The following ANKRD11 variants were observed in gnomAD, a reference collection of about 807,000 sequenced individuals.
ANKRD11 encodes ankyrin repeat domain-containing protein 11.
Under a neutral mutation model 195.7 loss-of-function variants are expected in ANKRD11, and 17 were observed. The ratio of observed to expected loss-of-function variants is 0.09; its 90% CI spans 0.06 to 0.13. The LOEUF is 0.13. Among genes scored for constraint, ANKRD11 ranks in the 10% least tolerant of loss-of-function variants. ANKRD11 has a pLI of 1.00. For missense variants in ANKRD11, 3,735 were observed against 3,566.1 expected (o/e 1.05, Z -1.21); for synonymous variants, 1,953 against 1,528.1 (o/e 1.28, Z -6.49).
rs751980813 is a variant in ANKRD11 at position 89,280,081 on chromosome 16, T to G, written c.6461A>C (p.Glu2154Ala). 1.2e-5 allele frequency: 19 copies of G among 1,613,136 alleles called. No homozygotes were observed. In the East Asian group the frequency reaches 4.2e-4, roughly 36 times the overall value. Residue 2154 changes from glutamate (E) to alanine (A), a missense_variant, in exon 9 of 13, where the codon GAA becomes GCA. By Grantham distance (107) the Glu-to-Ala change is moderately radical (BLOSUM62 -1). Transcript: ENST00000301030. ...QTKDAADGEA[E>A]PVEESLAPPE... ...AGGAGCAAGACTTTCTTCCACGGGT[T>G]CCGCTTCACCATCTGCGGCATCTTT...
rs1347573248 is a variant in ANKRD11, at chr16:89,284,477, G to C, written c.2065C>G (p.His689Asp). The C allele has an allele frequency of 6.2e-7, 1 of 1,613,886 alleles. No individual in the cohort carries two copies. Among genetic ancestry groups the C allele is most frequent in the African/African-American group, 1.3e-5 (1 of 74,860 alleles). The part of the protein sequence containing the change: ...STENKLKVLK[H>D]DRDHFKKEEK... ...TCTTTTTTAAAGTGGTCGCGATCGT[G>C]CTTTAACACTTTTAGCTTGTTTTCA... The change falls in exon 9 of 13, where the codon CAC becomes GAC. Residue 689 changes from histidine (H) to aspartate (D), a missense_variant. By Grantham distance (81) the His-to-Asp change is moderately conservative. Transcript: ENST00000301030.
intron 2 of ANKRD11, among the ~76,000 whole-genome samples, chr16:89,404,043 A>C (rs1426910154): frequency 6.6e-6 from 1 of 152,236 alleles, no homozygotes; most frequent in Non-Finnish European, 1.5e-5. Context: ...CTTATAACTA[A>C]AATTCCAAAC....
intron 2 of ANKRD11, among the ~76,000 whole-genome samples, chr16:89,386,583 G>A (rs190823211): frequency 1.9e-3 from 291 of 152,328 alleles, no homozygotes; most frequent in Non-Finnish European, 3.3e-3. Context: ...AGATGCCCGC[G>A]GGGAGGAGTG....
intron 1 of ANKRD11, among the ~76,000 whole-genome samples, chr16:89,471,698 T>C (rs1305428536): frequency 7.1e-6 from 1 of 141,836 alleles, no homozygotes; most frequent in Non-Finnish European, 1.5e-5. Context: ...GGAAGGAGAG[T>C]TGCTTGAACT....
At chr16:89,394,551 C>A (rs1198670451) in intron 2 of ANKRD11, among the ~76,000 whole-genome samples, 1 of 152,002 alleles carries the variant, frequency 6.6e-6, no homozygotes, top group Admixed American at 6.5e-5. Flanking sequence ...TCGCTTGAAC[C>A]CAGGAGGCGG....
At position 89,336,912 on chromosome 16, in the gene ANKRD11, G is replaced by A. The variant is rs1430238658; in HGVS notation, c.-59-19834C>T. Among the ~76,000 whole-genome samples the A allele has an allele frequency of 2.0e-5, 3 of 147,800 alleles. No individual in the cohort carries two copies. The East Asian group carries it at 6.2e-4, about 30-fold the overall frequency. Reference sequence around the variant, plus strand: ...AGGCTGGGTGCGGTGGCTCATGCCTGTAATCCTAGCACTTTAGGAGGCCGA... The same window carrying A: ...AGGCTGGGTGCGGTGGCTCATGCCTATAATCCTAGCACTTTAGGAGGCCGA... On this transcript the variant is annotated intron_variant, in intron 2 of 12. Coordinates refer to ENST00000301030, the MANE Select transcript of ANKRD11 (RefSeq NM_013275.6).
At chr16:89,422,839 G>A (rs1405116468) in intron 1 of ANKRD11, among the ~76,000 whole-genome samples, 1 of 152,140 alleles carries the variant, frequency 6.6e-6, no homozygotes, top group Non-Finnish European at 1.5e-5. Flanking sequence ...TGACACAACT[G>A]TATTAATGTT....
At chr16:89,438,014 T>C (rs976601682) in intron 1 of ANKRD11, among the ~76,000 whole-genome samples, 4 of 152,220 alleles carry the variant, frequency 2.6e-5, no homozygotes, top group Non-Finnish European at 5.9e-5. Flanking sequence ...ATTGTATTTC[T>C]AGACACCAAC....
chr16:89,386,418 C>T (rs978871707), intron 2 of ANKRD11, among the ~76,000 whole-genome samples: 11 of 152,130 alleles, frequency 7.2e-5, no homozygotes, highest in African/African-American at 2.7e-4. Flanking sequence ...CCCAAGGAGA[C>T]GCCAGAAACC....
At chr16:89,446,919 TC>T (rs139856135) in intron 1 of ANKRD11, among the ~76,000 whole-genome samples, 1,590 of 152,168 alleles carry the variant, frequency 0.01, 35 homozygotes, top group African/African-American at 0.036. Context: ...TCCCTGCAGT[TC>T]CAGGGACAGC....
At chr16:89,403,974 G>A (rs980838285) in intron 2 of ANKRD11, among the ~76,000 whole-genome samples, 1 of 152,134 alleles carries the variant, frequency 6.6e-6, no homozygotes, top group African/African-American at 2.4e-5. Flanking sequence ...ACAGAAAGGA[G>A]CAAGATTATA....
chr16:89,449,014 T>G (rs1340183889), intron 1 of ANKRD11, among the ~76,000 whole-genome samples: 1 of 152,146 alleles, frequency 6.6e-6, no homozygotes, highest in Non-Finnish European at 1.5e-5. Flanking sequence ...TCTTTGCTAC[T>G]TCAAATCACA....
At chr16:89,470,425 C>T (rs1032618289) in intron 1 of ANKRD11, among the ~76,000 whole-genome samples, 3 of 152,134 alleles carry the variant, frequency 2.0e-5, no homozygotes, top group African/African-American at 7.2e-5. Flanking sequence ...TCCAGGTCAA[C>T]GCAGGTCAGT....
In ANKRD11 at chr16:89,284,526, T is replaced by G; in HGVS notation, c.2016A>C (p.Ile672=). 1 of 1,614,162 alleles carries G rather than the reference T, an allele frequency of 6.2e-7. No individual in the cohort carries two copies. The highest frequency in any genetic ancestry group is 8.5e-7 in the Non-Finnish European group (1 of 1,180,040). The change falls in exon 9 of 13, where the codon ATA becomes ATC. Residue 672 remains isoleucine (I), a synonymous_variant. Transcript: ENST00000301030. Reference sequence around the variant, plus strand: ...CAGTGGAAAGATCATTCTCTAACAGTATAGCCTTATCTGACTTCTGCTTGG... The same window carrying G: ...CAGTGGAAAGATCATTCTCTAACAGGATAGCCTTATCTGACTTCTGCTTGG... ...EDSKQKSDKA[I]LLENDLSTEN... is the part of the protein sequence containing the mutation.
chr16:89,322,304 T>A (rs1201545869), intron 2 of ANKRD11, among the ~76,000 whole-genome samples: 2 of 152,374 alleles, frequency 1.3e-5, no homozygotes, highest in East Asian at 3.9e-4. Flanking sequence ...ACACTTCAAA[T>A]TCAGATTTGT....
At chr16:89,300,724 A>C (rs2035799054) in intron 4 of ANKRD11, 3 of 542,090 alleles carry the variant, frequency 5.5e-6, no homozygotes, top group Non-Finnish European at 9.8e-6. Context: ...AAAAGACTGA[A>C]GGTGCCAAGC....
At chr16:89,306,213 C>T (rs2036222995) in intron 3 of ANKRD11, among the ~76,000 whole-genome samples, 1 of 106,824 alleles carries the variant, frequency 9.4e-6, no homozygotes, top group Admixed American at 8.9e-5. Context: ...ACACGCGCCA[C>T]CTACCTCCCA....
intron 2 of ANKRD11, among the ~76,000 whole-genome samples, chr16:89,383,962 T>C (rs1185989976): frequency 1.3e-5 from 2 of 152,104 alleles, no homozygotes; most frequent in Non-Finnish European, 2.9e-5. Context: ...TCTAGCAAGA[T>C]AAAGAATCTG....
intron 11 of ANKRD11, chr16:89,274,592 G>A (rs1417973009): frequency 4.6e-6 from 3 of 648,956 alleles, no homozygotes; most frequent in Non-Finnish European, 8.0e-6. Context: ...GTGGCCTGAG[G>A]GCCTTGCCCG....
Sources: allele counts gnomAD v4.1 joint callset (sites outside exome capture counted in the v4.1 genomes callset), GRCh38; gene constraint gnomAD v4.1.1; transcripts MANE v1.5; gene names NCBI Gene and HGNC (gene_info 2026-07-23, HGNC 2026-07-21).